The following MYBBP1A variants were observed in gnomAD, a reference collection of about 807,000 sequenced individuals.
MYBBP1A encodes the protein MYB binding protein 1a, also known as myb-binding protein 1A.
A neutral mutation model predicts 136.3 loss-of-function variants in MYBBP1A; 147 were observed. The ratio of observed to expected loss-of-function variants is 1.08; its 90% CI spans 0.94 to 1.24. The LOEUF is 1.24. MYBBP1A is among the 50% of genes most tolerant of loss of function. MYBBP1A has a pLI of 0.00. For synonymous variants in MYBBP1A, 947 were observed against 735.8 expected, an observed-to-expected ratio of 1.29 and a Z score of -4.65; for missense variants, 2,060 against 1,727.4, an observed-to-expected ratio of 1.19 and a Z score of -3.41.
chr17:4,543,293 G>A, intron 19 of MYBBP1A, 128 bp from the exon 20 acceptor site: 1 of 1,333,648 alleles, frequency 7.5e-7, no homozygotes, highest in South Asian at 1.5e-5. Flanking sequence ...GGCGACCCAG[G>A]CCACAGAGGA....
intron 5 of MYBBP1A, among the ~76,000 whole-genome samples, chr17:4,553,144 C>CT (rs988975264): frequency 6.6e-6 from 1 of 152,130 alleles, no homozygotes; most frequent in South Asian, 2.1e-4. Context: ...TTAATTATTC[C>CT]TTTTTTTGGT....
Position 4,543,096 on chromosome 17 carries a change from C to T in MYBBP1A, c.2709G>A (p.Gln903=), listed in dbSNP as rs1364356823. Residue 903 remains glutamine (Q), a synonymous_variant, in exon 20 of 26, where the codon CAG becomes CAA. Coordinates refer to ENST00000254718, the MANE Select transcript of MYBBP1A (RefSeq NM_014520.4). ...CAGCCTGCTGCACCAACCGCTCCACCTGGGCGTGCAGGGCCCCTGCGCGCT... is the reference window on the plus strand; with the variant it reads ...CAGCCTGCTGCACCAACCGCTCCACTTGGGCGTGCAGGGCCCCTGCGCGCT... ...LGERAGALHA[Q]VERLVQQAGR... is the part of the protein sequence containing the mutation. 6 of 1,613,002 alleles carry T rather than the reference C, an allele frequency of 3.7e-6. No homozygotes were observed. Among genetic ancestry groups the T allele is most frequent in the Non-Finnish European group, 5.1e-6 (6 of 1,179,918 alleles).
At chr17:4,547,858 T>C in intron 13 of MYBBP1A, 100 bp downstream of exon 13, 1 of 1,088,210 alleles carries the variant, frequency 9.2e-7, no homozygotes, top group Non-Finnish European at 1.3e-6. Flanking sequence ...CCCCAGAACC[T>C]TTCCTGGAAA....
In MYBBP1A at chr17:4,544,789, G is replaced by A; in HGVS notation, c.2443C>T (p.Gln815Ter). 6 of 1,597,188 alleles carry A rather than the reference G, an allele frequency of 3.8e-6. No individual in the cohort carries two copies. The highest frequency in any genetic ancestry group is 1.1e-5 in the South Asian group (1 of 88,524). ...TCGCGCCGCAGAGCCTTCTCCTTCT[G>A]CAGCTTGTTCTTCTCGTCTCGCCGG... ...QARRDEKNKLQKEKALRRDFQ... is the reference protein window; with the variant it reads ...QARRDEKNKL The change falls in exon 18 of 26, where the codon CAG becomes TAG. Residue 815 changes from glutamine to a stop codon, truncating the protein, a stop_gained. Transcript: ENST00000254718. LOFTEE classifies it high-confidence loss of function.
In MYBBP1A at chr17:4,548,598, G is replaced by A. The variant is rs1371533107; in HGVS notation, c.1482C>T (p.Ile494=). The A allele has an allele frequency of 2.5e-6, 4 of 1,614,236 alleles. No homozygotes were observed. Among genetic ancestry groups the A allele is most frequent in the Middle Eastern group, 1.7e-4 (1 of 6,060 alleles). The change falls in exon 11 of 26, where the codon ATC becomes ATT. Residue 494 remains isoleucine, a synonymous_variant. Transcript: ENST00000254718. This position sits in a 1 kb window ranked among gnomAD's most constrained non-coding sequence, Gnocchi z 4.2. The part of the protein sequence containing the change: ...FFVTKKPTSQ[I]PETKHPFSFP... Reference sequence around the variant, plus strand: ...AGGAGAACGGGTGCTTTGTCTCAGGGATCTGGGATGTGGGCTTCTTTGTGA... The same window carrying A: ...AGGAGAACGGGTGCTTTGTCTCAGGAATCTGGGATGTGGGCTTCTTTGTGA...
Position 4,550,049 on chromosome 17 carries a change from TCCACTCA to T in MYBBP1A, c.1319+2_1319+8del. ...CTAAATTAGGTGTCCTCCCCCAAGGTCCACTCACATGTGGAGCGATGAATCCTGGGCT... is the reference window on the plus strand; with the variant it reads ...CTAAATTAGGTGTCCTCCCCCAAGGTCATGTGGAGCGATGAATCCTGGGCT... On this transcript the variant is annotated splice_donor_variant and splice_donor_5th_base_variant and intron_variant, in intron 9 of 25. Coordinates refer to ENST00000254718, the MANE Select transcript of MYBBP1A (RefSeq NM_014520.4). LOFTEE classifies it high-confidence loss of function. 1 of 1,601,660 alleles carries T rather than the reference TCCACTCA, an allele frequency of 6.2e-7. No individual in the cohort carries two copies. Among genetic ancestry groups the T allele is most frequent in the Non-Finnish European group, 8.5e-7 (1 of 1,171,878 alleles).
At chr17:4,549,713 G>C (rs560305845) in intron 9 of MYBBP1A, among the ~76,000 whole-genome samples, 1 of 148,156 alleles carries the variant, frequency 6.7e-6, no homozygotes, top group Non-Finnish European at 1.5e-5. Context: ...GAACCCGGGA[G>C]GCAGAAGTTG....
At chr17:4,541,990 G>T in intron 22 of MYBBP1A, 99 bp from the exon 23 acceptor site, 5 of 868,940 alleles carry the variant, frequency 5.8e-6, no homozygotes, top group Non-Finnish European at 9.0e-6. Context: ...GCACTGCTGT[G>T]GGCAGCGTGT....
In MYBBP1A at chr17:4,552,240, G is replaced by T; in HGVS notation, c.790C>A (p.Leu264Met). 4 of 1,614,212 alleles carry T rather than the reference G, an allele frequency of 2.5e-6. No homozygotes were observed. Among genetic ancestry groups the T allele is most frequent in the Non-Finnish European group, 3.4e-6 (4 of 1,180,044 alleles). The change falls in exon 7 of 26, where the codon CTG (leucine) becomes ATG (methionine). Residue 264 changes from leucine to methionine, a missense_variant. Transcript: ENST00000254718. This position sits in a 1 kb window ranked among gnomAD's most constrained non-coding sequence, Gnocchi z 4.7. ...AGCAGGTCCAGAGCAATGGCGGGCA[G>T]CTTGCGGTCCTTCTTCACAGAGGAG... Reference protein sequence around the residue: ...AASSVKKDRKLPAIALDLLRL... With the variant: ...AASSVKKDRKMPAIALDLLRL...
chr17:4,541,248 G>A (rs1049249111), intron 24 of MYBBP1A, among the ~76,000 whole-genome samples: 18 of 152,382 alleles, frequency 1.2e-4, no homozygotes, highest in Admixed American at 3.3e-4. Context: ...TGCAGGAGGA[G>A]GACAGGGTGG....
chr17:4,550,093 G>C lies in MYBBP1A; in HGVS notation c.1284C>G (p.Asn428Lys), dbSNP rs946641034. 1 of 1,613,732 alleles carries C rather than the reference G, an allele frequency of 6.2e-7. No individual in the cohort carries two copies. Among genetic ancestry groups the C allele is most frequent in the Non-Finnish European group, 8.5e-7 (1 of 1,179,758 alleles). Residue 428 changes from asparagine (N) to lysine (K), a missense_variant, in exon 9 of 26, where the codon AAC becomes AAG. By Grantham distance (94) the Asn-to-Lys change is moderately conservative (BLOSUM62 0). Coordinates refer to ENST00000254718, the MANE Select transcript of MYBBP1A (RefSeq NM_014520.4). ...ATGAATCCTGGGCTTTCTTCTGGTT[G>C]TTGGTGCTGAAGTCAACCAAGGAGT... is the stretch of plus-strand genomic sequence containing the variant. ...DLDSLVDFST[N>K]NQKKAQDSSL...
chr17:4,554,242 T>G lies in MYBBP1A; in HGVS notation c.331A>C (p.Ile111Leu). The G allele has an allele frequency of 6.2e-7, 1 of 1,614,104 alleles. No individual in the cohort carries two copies. The highest frequency in any genetic ancestry group is 8.5e-7 in the Non-Finnish European group (1 of 1,180,028). The change falls in exon 3 of 26, where the codon ATC (isoleucine) becomes CTC (leucine). Residue 111 changes from isoleucine (I) to leucine (L), a missense_variant. Coordinates refer to ENST00000254718, the MANE Select transcript of MYBBP1A (RefSeq NM_014520.4). ...QSFEDLPLCSILQQIQEKYDL... is the reference protein window; with the variant it reads ...QSFEDLPLCSLLQQIQEKYDL... ...TATTTTTCTTGTATCTGCTGCAGGA[T>G]GCTGCACAAGGGGAGGTCTTCAAAA...
rs368968522 is a variant in MYBBP1A, at chr17:4,555,320, T to G, written c.5A>C (p.Glu2Ala). ...CATCGGCTGGGCGGGATCCCGGCTCTCCATCTCCGCCACACTCACCGAAAC... is the reference window on the plus strand; with the variant it reads ...CATCGGCTGGGCGGGATCCCGGCTCGCCATCTCCGCCACACTCACCGAAAC... M[E>A]SRDPAQPMSP... is the part of the protein sequence containing the mutation. Residue 2 changes from glutamate (E) to alanine (A), a missense_variant, in exon 1 of 26, where the codon GAG (glutamate) becomes GCG (alanine). Transcript: ENST00000254718. 11 of 1,594,034 alleles carry G rather than the reference T, an allele frequency of 6.9e-6. No homozygotes were observed. The African/African-American group carries it at 9.4e-5, about 14-fold the overall frequency.
intron 20 of MYBBP1A, 49 bp downstream of exon 20, chr17:4,542,863 TC>T (rs1906583428): frequency 6.2e-7 from 1 of 1,607,978 alleles, no homozygotes; most frequent in East Asian, 2.2e-5. Context: ...CGGCCTCCAC[TC>T]CCTGGCTGTG....
At chr17:4,551,857 C>T (rs374195214) in intron 8 of MYBBP1A, 23 bp downstream of exon 8, 34 of 1,597,398 alleles carry the variant, frequency 2.1e-5, no homozygotes, top group Admixed American at 6.7e-5. Context: ...CTGGCAGTGT[C>T]GAGCTGCACG....
In MYBBP1A at chr17:4,539,905, C is replaced by T. The variant is rs2144409653; in HGVS notation, c.3497G>A (p.Ser1166Asn). ...EIPSATQSPI[S>N]KKRKKKGFLP... Reference sequence around the variant, plus strand: ...GAATCCCTTTTTCTTCCGCTTCTTACTGATGGGGCTCTGGGTGGCACTGGG... The same window carrying T: ...GAATCCCTTTTTCTTCCGCTTCTTATTGATGGGGCTCTGGGTGGCACTGGG... The change falls in exon 26 of 26, where the codon AGT becomes AAT. Residue 1166 changes from serine to asparagine, a missense_variant. By Grantham distance (46) the Ser-to-Asn change is conservative (BLOSUM62 1). Coordinates refer to ENST00000254718, the MANE Select transcript of MYBBP1A (RefSeq NM_014520.4). The T allele has an allele frequency of 6.2e-7, 1 of 1,600,730 alleles. No individual in the cohort carries two copies. The highest frequency in any genetic ancestry group is 8.5e-7 in the Non-Finnish European group (1 of 1,179,938).
At position 4,548,472 on chromosome 17, in the gene MYBBP1A, G is replaced by A. The variant is rs560948364; in HGVS notation, c.1556+52C>T. 59 of 1,612,036 alleles carry A rather than the reference G, an allele frequency of 3.7e-5. No homozygotes were observed. The highest frequency in any genetic ancestry group is 2.0e-4 in the East Asian group (9 of 44,868). On this transcript the variant is annotated intron_variant, in intron 11 of 25. Transcript: ENST00000254718. The surrounding 1 kb of genome is among the most constrained non-coding windows in gnomAD (Gnocchi z 4.2). ...CTTAGGGGACCTGGAGGGAGCAGGC[G>A]CCCTCAAGGCCTTCCCACCTTCGGA...
intron 13 of MYBBP1A, among the ~76,000 whole-genome samples, chr17:4,546,857 C>T (rs1907058754): frequency 6.6e-6 from 1 of 151,986 alleles, no homozygotes; most frequent in African/African-American, 2.4e-5. Flanking sequence ...TGTCATTGCT[C>T]TCCGGCTCCC....
In MYBBP1A at chr17:4,545,907, G is replaced by C. The variant is rs771938138; in HGVS notation, c.1860C>G (p.Ile620Met). 8 of 1,613,356 alleles carry C rather than the reference G, an allele frequency of 5.0e-6. No individual in the cohort carries two copies. The highest frequency in any genetic ancestry group is 6.8e-6 in the Non-Finnish European group (8 of 1,180,008). Residue 620 changes from isoleucine (I) to methionine (M), a missense_variant, in exon 14 of 26, where the codon ATC (isoleucine) becomes ATG (methionine). Coordinates refer to ENST00000254718, the MANE Select transcript of MYBBP1A (RefSeq NM_014520.4). ...CCAGACTTTTCCTGATGCAGGTCTG[G>C]ATGTCACCCAGCAGGTCACAGCTCT... ...PAESCDLLGDIQTCIRKSLGE... is the reference protein window; with the variant it reads ...PAESCDLLGDMQTCIRKSLGE...
Sources: allele counts gnomAD v4.1 joint callset (sites outside exome capture counted in the v4.1 genomes callset), GRCh38; gene constraint gnomAD v4.1.1; non-coding constraint Gnocchi (gnomAD v3.1); transcripts MANE v1.5; gene names NCBI Gene and HGNC (gene_info 2026-07-23, HGNC 2026-07-21).